The following SNRK variants were observed in gnomAD, a reference collection of about 807,000 sequenced individuals.
SNRK encodes the protein SNF-related serine/threonine-protein kinase.
In SNRK, 3 loss-of-function variants were observed where a neutral mutation model predicts 48.2. The observed-to-expected ratio is 0.06, with a 90% CI of 0.03 to 0.16. The LOEUF is 0.16. SNRK is among the 10% of genes least tolerant of loss of function. The pLI is 1.00. For missense variants in SNRK, 627 were observed against 976.0 expected, an observed-to-expected ratio of 0.64 and a Z score of 4.76; for synonymous variants, 376 against 366.1, an observed-to-expected ratio of 1.03 and a Z score of -0.31.
chr3:43,287,851 A>C (rs1468939967), intron 1 of SNRK, among the ~76,000 whole-genome samples: 2 of 152,188 alleles, frequency 1.3e-5, no homozygotes, highest in Non-Finnish European at 2.9e-5. Flanking sequence ...TTAATTTATA[A>C]TCTCGTTACA....
chr3:43,287,464 A>G (rs1379229659), intron 1 of SNRK, among the ~76,000 whole-genome samples: 1 of 152,104 alleles, frequency 6.6e-6, no homozygotes, highest in African/African-American at 2.4e-5. Context: ...TTTCATAGGG[A>G]GTTTCAGGCT....
intron 3 of SNRK, among the ~76,000 whole-genome samples, chr3:43,326,470 C>T (rs530368130): frequency 6.8e-6 from 1 of 147,438 alleles, no homozygotes; most frequent in South Asian, 2.2e-4. Context: ...AACAGAAGGC[C>T]CTATTCTGTG....
intron 1 of SNRK, among the ~76,000 whole-genome samples, chr3:43,297,968 C>T (rs148055742): frequency 7.9e-5 from 12 of 152,094 alleles, no homozygotes; most frequent in East Asian, 5.8e-4. Context: ...TGAATTCATT[C>T]GCTTGAAGTA....
chr3:43,300,543 G>T (rs907638421), intron 2 of SNRK, among the ~76,000 whole-genome samples: 1 of 151,866 alleles, frequency 6.6e-6, no homozygotes, highest in African/African-American at 2.4e-5. Flanking sequence ...AGACTTGGGT[G>T]GAATTTTAAG....
intron 1 of SNRK, among the ~76,000 whole-genome samples, chr3:43,293,231 G>C (rs948642159): frequency 6.6e-6 from 1 of 152,116 alleles, no homozygotes; most frequent in Non-Finnish European, 1.5e-5. Flanking sequence ...GCTTCCCAAA[G>C]TGCTGGGGTT....
Position 43,304,127 on chromosome 3 carries a change from T to C in SNRK, c.589+335T>C, listed in dbSNP as rs561495253. ...TTAGTGGCTCTCTTTAGCCATCTCC[T>C]CTCTGTGCATATCGTCTAACAATCA... On this transcript the variant is annotated intron_variant, in intron 3 of 6. Coordinates refer to ENST00000296088, the MANE Select transcript of SNRK (RefSeq NM_017719.5). Among the ~76,000 whole-genome samples, 6 of 152,328 alleles carry C rather than the reference T, an allele frequency of 3.9e-5. No individual in the cohort carries two copies. The South Asian group carries it at 1.2e-3, about 32-fold the overall frequency.
rs570490616 is a variant in SNRK at position 43,349,742 on chromosome 3, G to C, written c.*1185G>C. 1 of 152,288 alleles carries C rather than the reference G, an allele frequency of 6.6e-6. No homozygotes were observed. Among genetic ancestry groups the C allele is most frequent in the South Asian group, 2.1e-4 (1 of 4,822 alleles). The allele number at this position is 152,288 out of a possible 1,614,324, so 9.4% of individuals were successfully genotyped here. On this transcript the variant is annotated 3_prime_UTR_variant, in exon 7 of 7. Transcript: ENST00000296088. The stretch of plus-strand genomic sequence containing the variant: ...TTGCTTTAACCTATTCCTGTACAAA[G>C]ACTGTTTTTGACCAGATAATCATCT...
In SNRK at chr3:43,347,933, C is replaced by T. The variant is rs55661592; in HGVS notation, c.1674C>T (p.Ser558=). The T allele has an allele frequency of 2.0e-5, 32 of 1,613,972 alleles. No individual in the cohort carries two copies. Among genetic ancestry groups the T allele is most frequent in the Middle Eastern group, 3.3e-4 (2 of 6,084 alleles). Residue 558 remains serine, a synonymous_variant, in exon 7 of 7, where the codon AGC becomes AGT. Coordinates refer to ENST00000296088, the MANE Select transcript of SNRK (RefSeq NM_017719.5). This position sits in a 1 kb window ranked among gnomAD's most constrained non-coding sequence, Gnocchi z 5.4. ...SESRRRLDKD[S]GFTYSWHRRD... Reference sequence around the variant, plus strand: ...GCCGGCGGCGGCTCGATAAAGATAGCGGGTTCACCTACTCCTGGCACCGAC... The same window carrying T: ...GCCGGCGGCGGCTCGATAAAGATAGTGGGTTCACCTACTCCTGGCACCGAC...
intron 3 of SNRK, among the ~76,000 whole-genome samples, chr3:43,325,341 A>G (rs1236513561): frequency 6.6e-6 from 1 of 151,786 alleles, no homozygotes; most frequent in Admixed American, 6.6e-5. Flanking sequence ...AATTTTTTGT[A>G]TTTTTAGTAG....
chr3:43,310,815 A>G (rs1402446981), intron 3 of SNRK, among the ~76,000 whole-genome samples: 1 of 152,044 alleles, frequency 6.6e-6, no homozygotes, highest in Non-Finnish European at 1.5e-5. Context: ...GGTGGAGCAT[A>G]TTTTGTTTTT....
At chr3:43,339,628 C>T (rs191321873) in intron 4 of SNRK, among the ~76,000 whole-genome samples, 279 of 151,466 alleles carry the variant, frequency 1.8e-3, no homozygotes, top group African/African-American at 5.6e-3. Flanking sequence ...CCATCCTGGC[C>T]AACATAGTGA....
chr3:43,297,038 T>C (rs1371056124), intron 1 of SNRK, among the ~76,000 whole-genome samples: 2 of 152,254 alleles, frequency 1.3e-5, no homozygotes, highest in Admixed American at 6.5e-5. Context: ...AGCCTAGTTA[T>C]ATGCCTGTGC....
At chr3:43,298,956 T>C (rs910344090) in intron 1 of SNRK, among the ~76,000 whole-genome samples, 16 of 152,190 alleles carry the variant, frequency 1.1e-4, no homozygotes, top group Admixed American at 8.5e-4. Flanking sequence ...CTTGCCGTCC[T>C]TGGCTGCTAT....
At chr3:43,327,428 G>GT (rs796669316) in intron 3 of SNRK, among the ~76,000 whole-genome samples, 18 of 152,274 alleles carry the variant, frequency 1.2e-4, no homozygotes, top group African/African-American at 4.3e-4. Context: ...CTTGTAAAAG[G>GT]TGCCCCTATT....
chr3:43,311,732 G>A (rs1575541008), intron 3 of SNRK, among the ~76,000 whole-genome samples: 1 of 152,088 alleles, frequency 6.6e-6, no homozygotes, highest in Admixed American at 6.6e-5. Context: ...TCTTTGCTCT[G>A]AGTGACCAGG....
At chr3:43,343,056 A>G (rs556240207) in intron 5 of SNRK, among the ~76,000 whole-genome samples, 77 of 136,774 alleles carry the variant, frequency 5.6e-4, no homozygotes, top group African/African-American at 1.9e-3. Context: ...CACTTATCTT[A>G]TGTGTCTAAA....
At chr3:43,329,119 C>G (rs748666848) in intron 3 of SNRK, among the ~76,000 whole-genome samples, 1 of 152,118 alleles carries the variant, frequency 6.6e-6, no homozygotes, top group Admixed American at 6.5e-5. Flanking sequence ...CTGTTTTTAT[C>G]TCTTTCCTTT....
intron 3 of SNRK, among the ~76,000 whole-genome samples, chr3:43,305,464 A>G (rs2090930220): frequency 6.6e-6 from 1 of 151,718 alleles, no homozygotes; most frequent in African/African-American, 2.4e-5. Context: ...AAGAGTACAT[A>G]TAACATTTAT....
At chr3:43,298,058 T>C (rs549635482) in intron 1 of SNRK, among the ~76,000 whole-genome samples, 1 of 152,162 alleles carries the variant, frequency 6.6e-6, no homozygotes, top group Non-Finnish European at 1.5e-5. Context: ...GTAGCTGGTA[T>C]TTACAGAATG....
Sources: allele counts gnomAD v4.1 joint callset (sites outside exome capture counted in the v4.1 genomes callset), GRCh38; gene constraint gnomAD v4.1.1; non-coding constraint Gnocchi (gnomAD v3.1); transcripts MANE v1.5; gene names NCBI Gene and HGNC (gene_info 2026-07-23, HGNC 2026-07-21).